The following STARD7 variants were observed in gnomAD, a reference collection of about 807,000 sequenced individuals.
The protein encoded by STARD7 is stAR-related lipid transfer protein 7, mitochondrial.
STARD7 carries 30 observed loss-of-function variants against 45.3 expected under a neutral mutation model. The observed-to-expected ratio is 0.66, with a 90% CI of 0.50 to 0.90. The LOEUF (loss-of-function observed/expected upper bound fraction) is 0.90, where lower values mean the gene tolerates loss of function less well. Among genes scored for constraint, STARD7 ranks in the 40% least tolerant of loss-of-function variants. STARD7 has a pLI of 0.00. For missense variants in STARD7, 495 were observed against 491.3 expected (o/e 1.01, Z -0.07); for synonymous variants, 199 against 183.0 (o/e 1.09, Z -0.70).
At chr2:96,203,519 T>G (rs139453851) in intron 1 of STARD7, among the ~76,000 whole-genome samples, 2,413 of 152,296 alleles carry the variant, frequency 0.016, 69 homozygotes, top group African/African-American at 0.055. Flanking sequence ...TGGAGCTTGG[T>G]GTAAGGCTCC....
chr2:96,204,142 C>A (rs1683350166), intron 1 of STARD7, among the ~76,000 whole-genome samples: 1 of 152,068 alleles, frequency 6.6e-6, no homozygotes, highest in Admixed American at 6.6e-5. Context: ...CCGCTGTAGA[C>A]CCAGCCACTG....
intron 1 of STARD7, among the ~76,000 whole-genome samples, chr2:96,200,232 T>C (rs1355900957): frequency 1.3e-5 from 2 of 152,078 alleles, no homozygotes; most frequent in Non-Finnish European, 2.9e-5. Flanking sequence ...CACCACCACA[T>C]GCAGCTAATT....
intron 3 of STARD7, among the ~76,000 whole-genome samples, chr2:96,194,559 T>C (rs1366836744): frequency 6.6e-6 from 1 of 152,176 alleles, no homozygotes; most frequent in Non-Finnish European, 1.5e-5. Flanking sequence ...ATTTCAATAA[T>C]GGTATCATGA....
intron 1 of STARD7, among the ~76,000 whole-genome samples, chr2:96,206,845 C>T (rs1186760705): frequency 2.0e-5 from 3 of 146,774 alleles, no homozygotes; most frequent in Non-Finnish European, 4.5e-5. Context: ...GACATTTCAT[C>T]ATCAAAAATG....
At position 96,185,486 on chromosome 2, in the gene STARD7, G is replaced by A. The variant is rs1683021134; in HGVS notation, c.*1244C>T. ...CTATTATTCTAACAAATTGCAGCAT[G>A]ACCATAAGCAAAACCAGCTCGGTCA... On this transcript the variant is annotated 3_prime_UTR_variant, in exon 8 of 8. Coordinates refer to ENST00000337288, the MANE Select transcript of STARD7 (RefSeq NM_020151.4). 1 of 152,236 alleles carries A rather than the reference G, an allele frequency of 6.6e-6. No homozygotes were observed. Among genetic ancestry groups the A allele is most frequent in the African/African-American group, 2.4e-5 (1 of 41,464 alleles). The allele number at this position is 152,236 out of a possible 1,614,324, so 9.4% of individuals were successfully genotyped here.
At chr2:96,203,326 A>G (rs1365488778) in intron 1 of STARD7, among the ~76,000 whole-genome samples, 1 of 152,250 alleles carries the variant, frequency 6.6e-6, no homozygotes, top group Non-Finnish European at 1.5e-5. Context: ...CAAAATAGTA[A>G]AATCAGCAGA....
chr2:96,187,020 A>C (rs1438541592), intron 7 of STARD7, 106 bp from the exon 8 acceptor site: 1 of 1,127,382 alleles, frequency 8.9e-7, no homozygotes, highest in Non-Finnish European at 1.3e-6. Context: ...CTTCCTTATA[A>C]AGATCACAAC....
chr2:96,196,349 AAGCTAT>A (rs1683205974), intron 1 of STARD7, among the ~76,000 whole-genome samples: 1 of 152,094 alleles, frequency 6.6e-6, no homozygotes, highest in Non-Finnish European at 1.5e-5. Flanking sequence ...CCTGTACTCC[AAGCTAT>A]AGGCTGAGAT....
intron 7 of STARD7, 98 bp downstream of exon 7, chr2:96,187,119 G>T: frequency 2.1e-5 from 18 of 839,058 alleles, no homozygotes; most frequent in Non-Finnish European, 3.0e-5. Flanking sequence ...AAAAAAAAAA[G>T]AAGAACCAGA....
At chr2:96,204,539 G>C (rs187461627) in intron 1 of STARD7, among the ~76,000 whole-genome samples, 4 of 152,138 alleles carry the variant, frequency 2.6e-5, no homozygotes, top group Non-Finnish European at 5.9e-5. Flanking sequence ...TGGGCGACAG[G>C]GTGAGACTCT....
Position 96,197,110 on chromosome 2 carries a change from A to AAC in STARD7, c.291-1562_291-1561insGT, listed in dbSNP as rs1274720929. Among the ~76,000 whole-genome samples, 14 of 141,542 alleles carry AAC rather than the reference A, an allele frequency of 9.9e-5. 1 individual carries two copies. Among genetic ancestry groups the AAC allele is most frequent in the East Asian group, 7.7e-4 (3 of 3,876 alleles). 92.9% of individuals were successfully genotyped at this position (141,542 alleles called of 152,430 possible). A position where few individuals can be genotyped will look rare whatever the true frequency, so the allele number is the denominator to read the frequency against. On this transcript the variant is annotated intron_variant, in intron 1 of 7. Coordinates refer to ENST00000337288, the MANE Select transcript of STARD7 (RefSeq NM_020151.4). ...ATAAAATAAAATAAAATAAAATAAA[A>AAC]TAAAATAAAATAAAGCCAAGCACAA... is the stretch of plus-strand genomic sequence containing the variant.
chr2:96,193,738 G>T (rs1683162081), intron 3 of STARD7, among the ~76,000 whole-genome samples: 1 of 152,200 alleles, frequency 6.6e-6, no homozygotes. Context: ...ACACAAAAAT[G>T]CAAGCAGCAT....
At chr2:96,195,686 T>C (rs942630964) in intron 1 of STARD7, 137 bp from the exon 2 acceptor site, 8 of 630,416 alleles carry the variant, frequency 1.3e-5, no homozygotes, top group Non-Finnish European at 1.9e-5. Context: ...GTATAGTCAA[T>C]AAAAACTGAG....
In STARD7 at chr2:96,208,791, G is replaced by C; in HGVS notation, c.-357C>G. 7.4e-6 allele frequency: 3 copies of C among 403,446 alleles called. No individual in the cohort carries two copies. The highest frequency in any genetic ancestry group is 1.3e-5 in the Non-Finnish European group (3 of 227,512). The allele number at this position is 403,446 out of a possible 1,614,324, so 25.0% of individuals were successfully genotyped here. A position where few individuals can be genotyped will look rare whatever the true frequency, so the allele number is the denominator to read the frequency against. On this transcript the variant is annotated 5_prime_UTR_variant, in exon 1 of 8. Coordinates refer to ENST00000337288, the MANE Select transcript of STARD7 (RefSeq NM_020151.4). ...AAACGAGACAGACAGCTCAGGCCCA[G>C]CAGCACGCAAGCTCCCGCGCCTTCC...
intron 1 of STARD7, among the ~76,000 whole-genome samples, chr2:96,196,113 C>CAAA (rs113641896): frequency 1.9e-4 from 16 of 83,358 alleles, no homozygotes; most frequent in African/African-American, 7.2e-4. Flanking sequence ...ACTCTTGTCT[C>CAAA]AAAAAAAAAA....
chr2:96,197,282 G>T (rs1351603929), intron 1 of STARD7, among the ~76,000 whole-genome samples: 1 of 151,518 alleles, frequency 6.6e-6, no homozygotes, highest in Non-Finnish European at 1.5e-5. Context: ...GTGGACGCCT[G>T]TAATCCCAGC....
chr2:96,201,663 T>C (rs939883335), intron 1 of STARD7, among the ~76,000 whole-genome samples: 1 of 149,912 alleles, frequency 6.7e-6, no homozygotes, highest in African/African-American at 2.4e-5. Flanking sequence ...CCAGGCATGG[T>C]GGCCTGCGCC....
intron 1 of STARD7, among the ~76,000 whole-genome samples, chr2:96,198,116 G>A (rs575673951): frequency 2.4e-4 from 36 of 152,164 alleles, no homozygotes; most frequent in African/African-American, 8.7e-4. Context: ...CTGAGGTTGA[G>A]TTCGAGACCC....
chr2:96,204,673 C>A (rs1683359681), intron 1 of STARD7, among the ~76,000 whole-genome samples: 1 of 148,090 alleles, frequency 6.8e-6, no homozygotes, highest in Non-Finnish European at 1.5e-5. Flanking sequence ...AAATTGAGAT[C>A]TAATTTTATG....
Sources: gnomAD v4.1 joint callset for allele counts (sites outside exome capture counted in the v4.1 genomes callset) on GRCh38, gnomAD v4.1.1 for gene constraint, MANE v1.5 for transcripts, NCBI Gene and HGNC (gene_info 2026-07-23, HGNC 2026-07-21) for gene names.